The following A4GALT variants were observed in gnomAD, a reference collection of about 807,000 sequenced individuals.
The protein encoded by A4GALT is lactosylceramide 4-alpha-galactosyltransferase.
For synonymous variants in A4GALT, 257 were observed against 220.7 expected (o/e 1.16, Z -1.46); for missense variants, 512 against 486.0 (o/e 1.05, Z -0.50).
chr22:42,696,987 C>T (rs1010801849), intron 1 of A4GALT, among the ~76,000 whole-genome samples: 5 of 151,410 alleles, frequency 3.3e-5, no homozygotes, highest in African/African-American at 9.7e-5. Flanking sequence ...AGAGCCCCCT[C>T]GTTTCCTCAT....
intron 1 of A4GALT, among the ~76,000 whole-genome samples, chr22:42,711,142 A>C (rs1049271968): frequency 5.3e-5 from 8 of 152,208 alleles, no homozygotes; most frequent in Non-Finnish European, 1.0e-4. Context: ...TAACACCCCA[A>C]AACAAAATGG....
Position 42,693,426 on chromosome 22 carries a change from C to T in A4GALT, c.526G>A (p.Asp176Asn), listed in dbSNP as rs371893172. 9 of 1,613,150 alleles carry T rather than the reference C, an allele frequency of 5.6e-6. No individual in the cohort carries two copies. The highest frequency in any genetic ancestry group is 4.0e-5 in the African/African-American group (3 of 74,908). ...WEPYLLPVLS[D>N]ASRIALMWKF... ...CACATGAGTGCGATCCTGGAGGCGT[C>T]GGAGAGCACGGGCAGCAGGTAGGGC... Residue 176 changes from aspartate to asparagine, a missense_variant, in exon 3 of 3, where the codon GAC (aspartate) becomes AAC (asparagine). Coordinates refer to ENST00000642412, the MANE Select transcript of A4GALT (RefSeq NM_017436.7).
intron 1 of A4GALT, among the ~76,000 whole-genome samples, chr22:42,699,780 A>G (rs1931177054): frequency 6.6e-6 from 1 of 152,214 alleles, no homozygotes; most frequent in Non-Finnish European, 1.5e-5. Context: ...ACCAGGACAC[A>G]GGGTGCCCCA....
At chr22:42,702,292 G>C (rs1175449772) in intron 1 of A4GALT, among the ~76,000 whole-genome samples, 2 of 149,782 alleles carry the variant, frequency 1.3e-5, no homozygotes, top group Non-Finnish European at 2.9e-5. Flanking sequence ...TTGAGGACTT[G>C]TGTCCCCCCC....
chr22:42,717,104 C>G (rs1602029887), intron 1 of A4GALT, among the ~76,000 whole-genome samples: 1 of 152,096 alleles, frequency 6.6e-6, no homozygotes, highest in Non-Finnish European at 1.5e-5. Context: ...GAAGGGGGCT[C>G]CCCTAGTCCT....
intron 1 of A4GALT, among the ~76,000 whole-genome samples, chr22:42,704,483 G>C (rs1169958436): frequency 6.7e-6 from 1 of 149,670 alleles, no homozygotes; most frequent in East Asian, 1.9e-4. Context: ...TGAGACTCTG[G>C]ACTCAAAAAA....
At chr22:42,711,136 A>G (rs934167992) in intron 1 of A4GALT, among the ~76,000 whole-genome samples, 9 of 152,074 alleles carry the variant, frequency 5.9e-5, no homozygotes, top group Non-Finnish European at 1.2e-4. Flanking sequence ...GAAGACTAAC[A>G]CCCCAAAACA....
intron 1 of A4GALT, among the ~76,000 whole-genome samples, chr22:42,709,610 C>G (rs1921501934): frequency 6.6e-6 from 1 of 151,692 alleles, no homozygotes; most frequent in Non-Finnish European, 1.5e-5. Context: ...GCCAACATGG[C>G]AAAAACCCAT....
At chr22:42,700,633 C>T (rs888568349) in intron 1 of A4GALT, among the ~76,000 whole-genome samples, 3 of 152,172 alleles carry the variant, frequency 2.0e-5, no homozygotes, top group Admixed American at 6.5e-5. Context: ...AAGACACCAG[C>T]GCCAGGGTCA....
Position 42,692,476 on chromosome 22 carries a change from A to C in A4GALT, c.*414T>G. ...GGGCTGGGTCTCCCCCAGCCCTGCC[A>C]CTTTCCTACCAACAGCCTCCTCTCC... On this transcript the variant is annotated 3_prime_UTR_variant, in exon 3 of 3. Coordinates refer to ENST00000642412, the MANE Select transcript of A4GALT (RefSeq NM_017436.7). The surrounding 1 kb of genome is among the most constrained non-coding windows in gnomAD (Gnocchi z 4.6). 2.9e-6 allele frequency: 1 copy of C among 350,700 alleles called. No homozygotes were observed. Among genetic ancestry groups the C allele is most frequent in the Non-Finnish European group, 5.7e-6 (1 of 176,972 alleles). 21.7% of individuals were successfully genotyped at this position (350,700 alleles called of 1,614,324 possible).
intron 1 of A4GALT, among the ~76,000 whole-genome samples, chr22:42,719,194 C>T (rs1350797107): frequency 6.6e-6 from 1 of 152,222 alleles, no homozygotes; most frequent in Non-Finnish European, 1.5e-5. Flanking sequence ...GGAAACAAAA[C>T]ATATTTTGTA....
chr22:42,703,350 G>C (rs1412913276), intron 1 of A4GALT, among the ~76,000 whole-genome samples: 1 of 149,254 alleles, frequency 6.7e-6, no homozygotes. Flanking sequence ...CTGCCACCCG[G>C]GTTCAAGTGA....
chr22:42,705,348 C>G (rs1348673366), intron 1 of A4GALT, among the ~76,000 whole-genome samples: 1 of 152,168 alleles, frequency 6.6e-6, no homozygotes, highest in African/African-American at 2.4e-5. Flanking sequence ...TGCCTGTAAT[C>G]TCAGCACTTT....
intron 1 of A4GALT, among the ~76,000 whole-genome samples, chr22:42,709,084 G>T (rs1305301669): frequency 1.2e-5 from 1 of 86,162 alleles, no homozygotes; most frequent in African/African-American, 3.1e-5. Flanking sequence ...TTAAGACAGG[G>T]TCTGCTGTCA....
chr22:42,693,019 G>C lies in A4GALT; in HGVS notation c.933C>G (p.Thr311=), dbSNP rs1021773558. 2 of 1,613,616 alleles carry C rather than the reference G, an allele frequency of 1.2e-6. No homozygotes were observed. The highest frequency in any genetic ancestry group is 2.7e-5 in the African/African-American group (2 of 74,940). ...TCTTGTTCCACACGTGGACAGCATAGGTGGCACTGAGCAGCCGCGGCAGCT... is the reference window on the plus strand; with the variant it reads ...TCTTGTTCCACACGTGGACAGCATACGTGGCACTGAGCAGCCGCGGCAGCT... ...PEELPRLLSA[T]YAVHVWNKKS... Residue 311 remains threonine (T), a synonymous_variant, in exon 3 of 3, where the codon ACC becomes ACG. Transcript: ENST00000642412.
intron 1 of A4GALT, among the ~76,000 whole-genome samples, chr22:42,709,686 A>C (rs1224739472): frequency 1.3e-5 from 2 of 152,124 alleles, no homozygotes; most frequent in Admixed American, 6.6e-5. Flanking sequence ...GCTACTTAGG[A>C]GGCTGAGATA....
chr22:42,714,452 G>A lies in A4GALT; in HGVS notation c.-188+6345C>T, dbSNP rs555258284. On this transcript the variant is annotated intron_variant, in intron 1 of 2. Coordinates refer to ENST00000642412, the MANE Select transcript of A4GALT (RefSeq NM_017436.7). Reference sequence around the variant, plus strand: ...AAAATACAAAAATTAGCATGTGCCTGTAGTCCCAGCTACTTGGGAGGCTGA... The same window carrying A: ...AAAATACAAAAATTAGCATGTGCCTATAGTCCCAGCTACTTGGGAGGCTGA... 2.6e-5 allele frequency among the ~76,000 whole-genome samples: 4 copies of A among 152,102 alleles called. No homozygotes were observed. In the East Asian group the frequency reaches 7.7e-4, roughly 29 times the overall value.
intron 1 of A4GALT, among the ~76,000 whole-genome samples, chr22:42,719,256 A>G (rs1176200437): frequency 2.0e-5 from 3 of 152,264 alleles, no homozygotes; most frequent in Non-Finnish European, 4.4e-5. Flanking sequence ...GTCCTAGCAG[A>G]CAAGAAACGA....
chr22:42,715,802 GCCA>G (rs1922118327), intron 1 of A4GALT, among the ~76,000 whole-genome samples: 1 of 145,684 alleles, frequency 6.9e-6, no homozygotes, highest in African/African-American at 2.5e-5. Context: ...ACAGGTGTGA[GCCA>G]CCACACCTGG....
Sources: allele counts gnomAD v4.1 joint callset (sites outside exome capture counted in the v4.1 genomes callset), GRCh38; gene constraint gnomAD v4.1.1; non-coding constraint Gnocchi (gnomAD v3.1); transcripts MANE v1.5; gene names NCBI Gene and HGNC (gene_info 2026-07-23, HGNC 2026-07-21).